Variants in PLEKHG1 observed in about 807,000 individuals in gnomAD.
PLEKHG1 encodes the protein pleckstrin homology and RhoGEF domain containing G1.
In PLEKHG1, 44 loss-of-function variants were observed where a neutral mutation model predicts 100.8. The ratio of observed to expected loss-of-function variants is 0.44; its 90% CI spans 0.34 to 0.56. PLEKHG1 has a LOEUF of 0.56. Ranked by LOEUF, PLEKHG1 falls within the 20% of genes least tolerant of loss-of-function variation. PLEKHG1 has a pLI of 0.01. For synonymous variants in PLEKHG1, 640 were observed against 662.5 expected, an observed-to-expected ratio of 0.97 and a Z score of 0.52; for missense variants, 1,545 against 1,720.9, an observed-to-expected ratio of 0.90 and a Z score of 1.81.
intron 3 of PLEKHG1, among the ~76,000 whole-genome samples, chr6:150,694,910 A>G (rs768411414): frequency 5.3e-5 from 8 of 152,030 alleles, no homozygotes; most frequent in Non-Finnish European, 8.8e-5. Context: ...GTGCTAGTAA[A>G]TTTTTATACA....
chr6:150,637,533 G>A (rs118160799), intron 1 of PLEKHG1, among the ~76,000 whole-genome samples: 286 of 152,020 alleles, frequency 1.9e-3, no homozygotes, highest in Non-Finnish European at 3.3e-3. Flanking sequence ...GAAAATGTCT[G>A]ATTTTGCTTT....
intron 3 of PLEKHG1, among the ~76,000 whole-genome samples, chr6:150,687,496 A>T (rs1478175074): frequency 6.6e-6 from 1 of 152,214 alleles, no homozygotes; most frequent in Admixed American, 6.5e-5. Context: ...TTGTTAACTT[A>T]GTTCAAAGGG....
At position 150,696,302 on chromosome 6, in the gene PLEKHG1, T is replaced by A. The variant is rs78565641; in HGVS notation, c.-98-37282T>A. Among the ~76,000 whole-genome samples the A allele has an allele frequency of 3.7e-3, 561 of 152,238 alleles. 3 individuals carry two copies. The highest frequency in any genetic ancestry group is 0.013 in the African/African-American group (540 of 41,550). On this transcript the variant is annotated intron_variant, in intron 3 of 3. Transcript: ENST00000367326. The stretch of plus-strand genomic sequence containing the variant: ...CTGCAGCCAGGGAGAAGCAGAGGGC[T>A]CTTTGAGCGACGTCTGCTTCCCCCT...
chr6:150,806,370 T>C (rs1234217266), intron 7 of PLEKHG1, among the ~76,000 whole-genome samples: 1 of 151,876 alleles, frequency 6.6e-6, no homozygotes, highest in Non-Finnish European at 1.5e-5. Flanking sequence ...CATTTGCCCA[T>C]GGTCAATCAA....
At chr6:150,827,135 T>C (rs895015118) in intron 14 of PLEKHG1, among the ~76,000 whole-genome samples, 1 of 151,982 alleles carries the variant, frequency 6.6e-6, no homozygotes, top group African/African-American at 2.4e-5. Context: ...GCTCAAGTGA[T>C]CTGCCTGCCT....
chr6:150,614,168 C>A (rs190162145), intron 1 of PLEKHG1, among the ~76,000 whole-genome samples: 1 of 152,176 alleles, frequency 6.6e-6, no homozygotes, highest in South Asian at 2.1e-4. Context: ...GTGGCAGAGA[C>A]GTACGATAGC....
chr6:150,808,893 G>C (rs1787310815), intron 7 of PLEKHG1, among the ~76,000 whole-genome samples: 1 of 152,234 alleles, frequency 6.6e-6, no homozygotes, highest in African/African-American at 2.4e-5. Flanking sequence ...TTAGCAGCTT[G>C]TCAGCTAACA....
chr6:150,836,263 A>G (rs1777215832), intron 15 of PLEKHG1, among the ~76,000 whole-genome samples: 1 of 152,194 alleles, frequency 6.6e-6, no homozygotes, highest in Non-Finnish European at 1.5e-5. Context: ...CTGTAATCCC[A>G]GCTACTCTGG....
intron 15 of PLEKHG1, among the ~76,000 whole-genome samples, chr6:150,837,294 C>G (rs1381489254): frequency 2.0e-5 from 3 of 152,122 alleles, no homozygotes; most frequent in African/African-American, 7.2e-5. Flanking sequence ...TGTAAGACTT[C>G]AGAGAAGAGA....
At chr6:150,693,660 C>T (rs937072457) in intron 3 of PLEKHG1, among the ~76,000 whole-genome samples, 9 of 152,206 alleles carry the variant, frequency 5.9e-5, no homozygotes, top group South Asian at 4.1e-4. Context: ...CTTTCTCACC[C>T]GCTCTAAGCA....
chr6:150,613,423 A>G (rs145761777), intron 1 of PLEKHG1, among the ~76,000 whole-genome samples: 133 of 152,300 alleles, frequency 8.7e-4, no homozygotes, highest in African/African-American at 2.7e-3. Context: ...CAGTGCCTTA[A>G]AAGAGTGCCC....
intron 1 of PLEKHG1, among the ~76,000 whole-genome samples, chr6:150,631,759 G>T (rs1777761602): frequency 6.6e-6 from 1 of 152,170 alleles, no homozygotes; most frequent in Admixed American, 6.5e-5. Flanking sequence ...AGCACGGTTG[G>T]GTTCCCAAGG....
rs148894992 is a variant in PLEKHG1, at chr6:150,732,657, G to C, written c.-98-927G>C. Among the ~76,000 whole-genome samples the C allele has an allele frequency of 8.5e-3, 1,294 of 152,276 alleles. 24 individuals carry two copies. Among genetic ancestry groups the C allele is most frequent in the African/African-American group, 0.03 (1,233 of 41,568 alleles). ...TTTTGAGATAAAGTCTTGCTCTGTC[G>C]CCCAGGCTGGAGTTCAGTGGCAGGA... On this transcript the variant is annotated intron_variant, in intron 1 of 15. Coordinates refer to ENST00000358517, the Ensembl canonical transcript of PLEKHG1.
chr6:150,756,980 A>G (rs539254829), intron 2 of PLEKHG1, among the ~76,000 whole-genome samples: 84 of 151,538 alleles, frequency 5.5e-4, no homozygotes, highest in African/African-American at 2.0e-3. Context: ...ATGATAATTG[A>G]TCATGTGTAT....
chr6:150,636,914 TGAAAAATGACATTA>T (rs1229211291), intron 1 of PLEKHG1, among the ~76,000 whole-genome samples: 1 of 152,238 alleles, frequency 6.6e-6, no homozygotes, highest in Non-Finnish European at 1.5e-5. Context: ...AACCTTGGTC[TGAAAAATGACATTA>T]GCATCCTTTA....
At chr6:150,601,918 T>G (rs1308310775) in intron 1 of PLEKHG1, among the ~76,000 whole-genome samples, 1 of 152,192 alleles carries the variant, frequency 6.6e-6, no homozygotes, top group Non-Finnish European at 1.5e-5. Context: ...TTAATATAGG[T>G]GACTGTCACC....
intron 1 of PLEKHG1, among the ~76,000 whole-genome samples, chr6:150,631,926 C>T (rs577689445): frequency 1.3e-5 from 2 of 152,248 alleles, no homozygotes; most frequent in Middle Eastern, 3.4e-3. Context: ...TGTCCTGCCC[C>T]GGGGGCTGGC....
exon 16 of PLEKHG1, chr6:150,843,607 T>C (rs1051570678): frequency 1.3e-5 from 2 of 152,226 alleles, no homozygotes; most frequent in Non-Finnish European, 2.9e-5. Context: ...ATACTGTATA[T>C]AAGATAATGA....
At chr6:150,781,023 G>A (rs555982960) in intron 3 of PLEKHG1, among the ~76,000 whole-genome samples, 51 of 151,502 alleles carry the variant, frequency 3.4e-4, no homozygotes, top group Non-Finnish European at 5.3e-4. Flanking sequence ...ACAAGCATGC[G>A]CCACCACGCC....
Sources: allele counts gnomAD v4.1 joint callset (sites outside exome capture counted in the v4.1 genomes callset), GRCh38; gene constraint gnomAD v4.1.1; transcripts MANE v1.5; gene names NCBI Gene and HGNC (gene_info 2026-07-23, HGNC 2026-07-21).